The following FSHR variants were observed in gnomAD, a reference collection of about 807,000 sequenced individuals.
The protein encoded by FSHR is follicle stimulating hormone receptor.
FSHR carries 46 observed loss-of-function variants against 52.1 expected under a neutral mutation model. The observed-to-expected ratio is 0.88, with a 90% CI of 0.70 to 1.13. The LOEUF is 1.13. FSHR is among the 50% of genes most tolerant of loss of function. The probability of loss-of-function intolerance (pLI) is 0.00; values close to 1 mark genes in which losing one functional copy is unlikely to be tolerated. For synonymous variants in FSHR, 399 were observed against 309.6 expected (o/e 1.29, Z -3.03); for missense variants, 964 against 834.6 (o/e 1.16, Z -1.91).
intron 8 of FSHR, among the ~76,000 whole-genome samples, chr2:48,969,373 G>A (rs893736603): frequency 6.6e-5 from 10 of 152,220 alleles, no homozygotes; most frequent in African/African-American, 1.4e-4. Context: ...TCTGGCAGGC[G>A]GTAGGGGCAG....
chr2:49,100,550 C>T (rs1006280576), intron 1 of FSHR, among the ~76,000 whole-genome samples: 1 of 152,154 alleles, frequency 6.6e-6, no homozygotes, highest in Non-Finnish European at 1.5e-5. Context: ...CTCCCAAAAC[C>T]CTTACCCAAT....
At chr2:49,150,487 A>G (rs976551129) in intron 1 of FSHR, among the ~76,000 whole-genome samples, 1 of 152,132 alleles carries the variant, frequency 6.6e-6, no homozygotes, top group Non-Finnish European at 1.5e-5. Flanking sequence ...CAATAACAAC[A>G]TGAGAGATAT....
intron 4 of FSHR, chr2:48,997,217 G>C (rs1676062432): frequency 1.0e-6 from 1 of 984,614 alleles, no homozygotes; most frequent in South Asian, 4.7e-5. Flanking sequence ...AAATGATTTT[G>C]TGTAAGAAAT....
chr2:48,963,821 C>A lies in FSHR; in HGVS notation c.1000G>T (p.Asp334Tyr). 6.2e-7 allele frequency: 1 copy of A among 1,614,124 alleles called. No individual in the cohort carries two copies. The highest frequency in any genetic ancestry group is 1.1e-5 in the South Asian group (1 of 91,070). The change falls in exon 10 of 10, where the codon GAC becomes TAC. Residue 334 changes from aspartate (D) to tyrosine (Y), a missense_variant. Asp to Tyr is a radical substitution (Grantham distance 160). Transcript: ENST00000406846. ...ACCACTTCATTGCATAAGTCATAGT[C>A]AAACTCAGTGTACGTCATGTCAAAT... ...RGFDMTYTEFDYDLCNEVVDV... is the reference protein window; with the variant it reads ...RGFDMTYTEFYYDLCNEVVDV...
At chr2:49,117,068 G>A (rs1671627446) in intron 1 of FSHR, among the ~76,000 whole-genome samples, 1 of 152,158 alleles carries the variant, frequency 6.6e-6, no homozygotes, top group South Asian at 2.1e-4. Flanking sequence ...CCCAGTTAGT[G>A]TTAGCTAGAA....
Position 48,962,229 on chromosome 2 carries a change from A to G in FSHR, c.*504T>C, listed in dbSNP as rs1674254448. The G allele has an allele frequency of 1.0e-5, 2 of 195,984 alleles. No homozygotes were observed. The highest frequency in any genetic ancestry group is 1.1e-4 in the Admixed American group (2 of 18,718). 12.1% of individuals were successfully genotyped at this position (195,984 alleles called of 1,614,324 possible). The stretch of plus-strand genomic sequence containing the variant: ...CACTGACGCATTACAAAGGCTTCAG[A>G]TGGGTGTTCAATTAATATTTGTTGA... On this transcript the variant is annotated 3_prime_UTR_variant, in exon 10 of 10. Transcript: ENST00000406846.
At chr2:49,002,098 T>G (rs756372211) in intron 4 of FSHR, among the ~76,000 whole-genome samples, 6 of 152,138 alleles carry the variant, frequency 3.9e-5, no homozygotes, top group Non-Finnish European at 8.8e-5. Context: ...ACCTCAAGCT[T>G]CTGGTCTGTA....
chr2:48,979,830 T>G (rs77147055), intron 8 of FSHR, among the ~76,000 whole-genome samples: 4 of 151,766 alleles, frequency 2.6e-5, no homozygotes, highest in South Asian at 2.1e-4. Flanking sequence ...TGTGTGTGTG[T>G]GGGAGCGGGG....
chr2:49,023,516 G>A (rs190936902), intron 2 of FSHR, among the ~76,000 whole-genome samples: 63 of 152,280 alleles, frequency 4.1e-4, no homozygotes, highest in African/African-American at 1.2e-3. Context: ...GCTTGTCTAT[G>A]ACTTAGGATT....
intron 2 of FSHR, among the ~76,000 whole-genome samples, chr2:49,035,191 G>A (rs1027649948): frequency 6.6e-6 from 1 of 152,196 alleles, no homozygotes; most frequent in Admixed American, 6.5e-5. Flanking sequence ...GCTGCTGAAG[G>A]CAAATCACTG....
chr2:48,963,900 A>C lies in FSHR; in HGVS notation c.921T>G (p.Ala307=), dbSNP rs751421097. The change falls in exon 10 of 10, where the codon GCT becomes GCG. Residue 307 remains alanine, a synonymous_variant. Transcript: ENST00000406846. The part of the protein sequence containing the change: ...LRQEVDYMTQ[A]RGQRSSLAED... ...CTGCCAGAGAGGATCTCTGACCCCT[A>C]GCCTGAGTCATATAATCAACTTCTT... 14 of 1,613,956 alleles carry C rather than the reference A, an allele frequency of 8.7e-6. No individual in the cohort carries two copies. In the South Asian group the frequency reaches 1.3e-4, roughly 15 times the overall value.
At chr2:48,975,495 G>C (rs1248766078) in intron 8 of FSHR, among the ~76,000 whole-genome samples, 1 of 152,046 alleles carries the variant, frequency 6.6e-6, no homozygotes, top group Non-Finnish European at 1.5e-5. Flanking sequence ...CTCTTGCTTG[G>C]ACTGAGAATT....
chr2:48,982,860 C>T (rs1359072572), intron 8 of FSHR, 52 bp downstream of exon 8: 3 of 1,481,326 alleles, frequency 2.0e-6, no homozygotes, highest in East Asian at 4.5e-5. Flanking sequence ...GAGTTGACTT[C>T]TAACTTACAC....
intron 5 of FSHR, among the ~76,000 whole-genome samples, chr2:48,989,344 G>A (rs933749058): frequency 2.1e-5 from 3 of 144,350 alleles, no homozygotes; most frequent in African/African-American, 7.9e-5. Context: ...GTGCAGTGGT[G>A]CCATCACAAC....
chr2:49,083,154 A>C (rs1670242534), intron 1 of FSHR, among the ~76,000 whole-genome samples: 1 of 152,084 alleles, frequency 6.6e-6, no homozygotes, highest in Non-Finnish European at 1.5e-5. Flanking sequence ...CTCTCGGCAG[A>C]AACTCTACAA....
intron 1 of FSHR, among the ~76,000 whole-genome samples, chr2:49,141,322 T>C (rs948801469): frequency 3.3e-5 from 5 of 152,138 alleles, no homozygotes; most frequent in Admixed American, 3.3e-4. Context: ...AATTGGGTCA[T>C]GGTTCTGCAG....
intron 1 of FSHR, among the ~76,000 whole-genome samples, chr2:49,081,588 G>C (rs1670171550): frequency 6.6e-6 from 1 of 152,042 alleles, no homozygotes; most frequent in South Asian, 2.1e-4. Context: ...TTGTCAGATA[G>C]TACCTTTACC....
intron 1 of FSHR, among the ~76,000 whole-genome samples, chr2:49,117,900 T>C (rs72822052): frequency 4.2e-3 from 644 of 152,282 alleles, no homozygotes; most frequent in Middle Eastern, 0.01. Flanking sequence ...AGCAAAGGGA[T>C]AGAAAACCCA....
At chr2:49,087,743 A>T (rs1422587138) in intron 1 of FSHR, among the ~76,000 whole-genome samples, 3 of 152,194 alleles carry the variant, frequency 2.0e-5, no homozygotes, top group East Asian at 1.9e-4. Context: ...AAGGCGAAAG[A>T]TGTGGGAGAG....
Sources: allele counts gnomAD v4.1 joint callset (sites outside exome capture counted in the v4.1 genomes callset), GRCh38; gene constraint gnomAD v4.1.1; transcripts MANE v1.5; gene names NCBI Gene and HGNC (gene_info 2026-07-23, HGNC 2026-07-21).